Variants in MKLN1 observed in about 807,000 individuals in gnomAD.
MKLN1 encodes muskelin 1, also known as muskelin.
Under a neutral mutation model 99.0 loss-of-function variants are expected in MKLN1, and 18 were observed. That is an observed-to-expected ratio of 0.18 (90% confidence interval 0.13 to 0.27). MKLN1 has a LOEUF of 0.27. Ranked by LOEUF, MKLN1 falls within the 10% of genes least tolerant of loss-of-function variation. The probability of loss-of-function intolerance (pLI) is 1.00; values close to 1 mark genes in which losing one functional copy is unlikely to be tolerated. For missense variants in MKLN1, 621 were observed against 875.9 expected (o/e 0.71, Z 3.67); for synonymous variants, 288 against 293.2 (o/e 0.98, Z 0.18).
chr7:131,210,640 C>G (rs1237657488), intron 3 of MKLN1, among the ~76,000 whole-genome samples: 1 of 132,826 alleles, frequency 7.5e-6, no homozygotes, highest in African/African-American at 2.9e-5. Flanking sequence ...GAGGTCAAGG[C>G]TGCTGTGAGC....
chr7:131,175,498 T>G (rs925765846), intron 2 of MKLN1, among the ~76,000 whole-genome samples: 4 of 152,286 alleles, frequency 2.6e-5, no homozygotes, highest in Admixed American at 1.3e-4. Flanking sequence ...CCTAAAATAA[T>G]GCTAAGAAAA....
At chr7:131,416,341 A>G (rs1424352790) in intron 8 of MKLN1, among the ~76,000 whole-genome samples, 1 of 152,204 alleles carries the variant, frequency 6.6e-6, no homozygotes, top group Admixed American at 6.5e-5. Flanking sequence ...TGTAAGAAAG[A>G]CAAAAAAATT....
At chr7:131,289,788 G>A (rs749686129) in intron 3 of MKLN1, among the ~76,000 whole-genome samples, 1 of 152,192 alleles carries the variant, frequency 6.6e-6, no homozygotes, top group Non-Finnish European at 1.5e-5. Context: ...AATGCTACTA[G>A]TAAGGGCTAT....
intron 3 of MKLN1, among the ~76,000 whole-genome samples, chr7:131,203,744 C>G (rs569532020): frequency 1.3e-5 from 2 of 152,132 alleles, no homozygotes; most frequent in African/African-American, 4.8e-5. Flanking sequence ...CCTGGAGAGT[C>G]GGCTTCTCAT....
chr7:131,308,846 A>G (rs1480377719), intron 3 of MKLN1, among the ~76,000 whole-genome samples: 3 of 152,298 alleles, frequency 2.0e-5, no homozygotes, highest in South Asian at 4.2e-4. Flanking sequence ...TGGCCTCCCA[A>G]AGTGCTGGGA....
intron 3 of MKLN1, among the ~76,000 whole-genome samples, chr7:131,263,101 T>G (rs1197488931): frequency 6.6e-6 from 1 of 152,282 alleles, no homozygotes; most frequent in Non-Finnish European, 1.5e-5. Context: ...TCACAGGTAA[T>G]GCTGTGGACT....
chr7:131,408,282 C>T (rs1330384715), intron 6 of MKLN1, among the ~76,000 whole-genome samples: 1 of 151,964 alleles, frequency 6.6e-6, no homozygotes, highest in Non-Finnish European at 1.5e-5. Flanking sequence ...TAATATTGCC[C>T]TTTTTTTCAG....
chr7:131,209,987 C>T lies in MKLN1; in HGVS notation c.-179+7013C>T, dbSNP rs543956942. Among the ~76,000 whole-genome samples the T allele has an allele frequency of 9.9e-5, 15 of 152,238 alleles. No homozygotes were observed. The South Asian group carries it at 2.9e-3, about 30-fold the overall frequency. Reference sequence around the variant, plus strand: ...ATTCCTGGGTAGTATAGATGAGCAGCTGGGTCAACACCGGAAATCATCTAT... The same window carrying T: ...ATTCCTGGGTAGTATAGATGAGCAGTTGGGTCAACACCGGAAATCATCTAT... On this transcript the variant is annotated intron_variant, in intron 3 of 7. Coordinates refer to the MKLN1 transcript ENST00000416992.
chr7:131,471,073 A>G, intron 16 of MKLN1, 129 bp downstream of exon 16: 1 of 617,532 alleles, frequency 1.6e-6, no homozygotes, highest in Non-Finnish European at 2.8e-6. Flanking sequence ...AGTAATCTTT[A>G]AAATGTCACA....
chr7:131,487,871 T>C lies in MKLN1; in HGVS notation c.*143T>C. The C allele has an allele frequency of 1.1e-6, 1 of 936,772 alleles. No individual in the cohort carries two copies. Among genetic ancestry groups the C allele is most frequent in the Non-Finnish European group, 1.5e-6 (1 of 658,568 alleles). 58.0% of individuals were successfully genotyped at this position (936,772 alleles called of 1,614,324 possible). A position where few individuals can be genotyped will look rare whatever the true frequency, so the allele number is the denominator to read the frequency against. On this transcript the variant is annotated 3_prime_UTR_variant, in exon 18 of 18. Coordinates refer to ENST00000352689, the MANE Select transcript of MKLN1 (RefSeq NM_013255.5). The surrounding 1 kb of genome is among the most constrained non-coding windows in gnomAD (Gnocchi z 4.7). ...AGGGATCTTAACCATCACAAGTTTTTACCCTCTTCCTTCATGCCTGACCTC... is the reference window on the plus strand; with the variant it reads ...AGGGATCTTAACCATCACAAGTTTTCACCCTCTTCCTTCATGCCTGACCTC...
intron 1 of MKLN1, among the ~76,000 whole-genome samples, chr7:131,110,771 G>A (rs1795182858): frequency 6.6e-6 from 1 of 152,222 alleles, no homozygotes; most frequent in African/African-American, 2.4e-5. Flanking sequence ...TCGGCTTAAA[G>A]GAGAAAGAAA....
rs1795198999 is a variant in MKLN1 at position 131,111,516 on chromosome 7, A to G, written c.-419+1309A>G. Reference sequence around the variant, plus strand: ...TAGCTGGTAAAACATTATCAAACTGATCCTCTTGGAAAGAAATCTTTGCTT... The same window carrying G: ...TAGCTGGTAAAACATTATCAAACTGGTCCTCTTGGAAAGAAATCTTTGCTT... On this transcript the variant is annotated intron_variant, in intron 1 of 7. Transcript: ENST00000416992. Among the ~76,000 whole-genome samples, 5 of 152,196 alleles carry G rather than the reference A, an allele frequency of 3.3e-5. No homozygotes were observed. In the South Asian group the frequency reaches 1.0e-3, roughly 31 times the overall value.
intron 3 of MKLN1, among the ~76,000 whole-genome samples, chr7:131,218,821 G>A (rs1797022027): frequency 6.6e-6 from 1 of 152,094 alleles, no homozygotes; most frequent in Non-Finnish European, 1.5e-5. Flanking sequence ...AGAAATTGAA[G>A]TTCCTTTATC....
chr7:131,457,277 CAA>C (rs1232469803), intron 12 of MKLN1, among the ~76,000 whole-genome samples: 10 of 113,862 alleles, frequency 8.8e-5, no homozygotes, highest in Admixed American at 3.6e-4. Flanking sequence ...AACTCCATCT[CAA>C]AAAAAAAAAA....
intron 15 of MKLN1, among the ~76,000 whole-genome samples, chr7:131,467,933 C>T (rs571797512): frequency 4.6e-5 from 7 of 152,204 alleles, no homozygotes; most frequent in South Asian, 2.1e-4. Flanking sequence ...GAGATGCAGG[C>T]GGAGACCATC....
At chr7:131,246,245 G>A (rs756566325) in intron 3 of MKLN1, among the ~76,000 whole-genome samples, 4 of 152,190 alleles carry the variant, frequency 2.6e-5, no homozygotes, top group Non-Finnish European at 4.4e-5. Flanking sequence ...CTGCCTTGTC[G>A]GCTGCTGATG....
intron 3 of MKLN1, among the ~76,000 whole-genome samples, chr7:131,236,683 A>G (rs1370721318): frequency 6.6e-6 from 1 of 152,120 alleles, no homozygotes; most frequent in Non-Finnish European, 1.5e-5. Context: ...TAAAAAAAGT[A>G]GTGATGGAGA....
intron 8 of MKLN1, among the ~76,000 whole-genome samples, chr7:131,416,646 A>G (rs1795024521): frequency 6.6e-6 from 1 of 151,888 alleles, no homozygotes; most frequent in East Asian, 1.9e-4. Context: ...ATTTCAGCAA[A>G]GTCTTGATGG....
At chr7:131,327,633 TC>T (rs1298051118), upstream of MKLN1, 1 of 444,754 alleles carries the variant, frequency 2.2e-6, no homozygotes. Context: ...GTAAGAAAAG[TC>T]CTTTGCGCCA....
Sources: allele counts gnomAD v4.1 joint callset (sites outside exome capture counted in the v4.1 genomes callset), GRCh38; gene constraint gnomAD v4.1.1; non-coding constraint Gnocchi (gnomAD v3.1); transcripts MANE v1.5; gene names NCBI Gene and HGNC (gene_info 2026-07-23, HGNC 2026-07-21).